HEPH: variants seen among roughly 807,000 people sequenced by gnomAD.
The protein encoded by HEPH is hephaestin.
A neutral mutation model predicts 80.8 loss-of-function variants in HEPH; 69 were observed. The ratio of observed to expected loss-of-function variants is 0.85; its 90% confidence interval spans 0.70 to 1.04. HEPH has a LOEUF of 1.04. Among genes scored for constraint, HEPH ranks in the 50% least tolerant of loss-of-function variants. HEPH has a pLI of 0.00. For missense variants in HEPH, 1,115 were observed against 891.3 expected (o/e 1.25, Z -3.20); for synonymous variants, 431 against 322.8 (o/e 1.34, Z -3.60).
At chrX:66,245,759 A>G (rs994358406) in intron 15 of HEPH, among the ~76,000 whole-genome samples, 1 of 112,146 alleles carries the variant, frequency 8.9e-6, no homozygotes, top group Non-Finnish European at 1.9e-5. Flanking sequence ...ATGTAAAAGA[A>G]CAGAAATTAT....
At chrX:66,216,038 C>T (rs1232636023) in intron 15 of HEPH, among the ~76,000 whole-genome samples, 2 of 110,192 alleles carry the variant, frequency 1.8e-5, no homozygotes, top group Admixed American at 9.6e-5. Context: ...ACACTTGCAT[C>T]CCCCAAAGCA....
At chrX:66,198,418 T>A (rs1162782514) in intron 10 of HEPH, among the ~76,000 whole-genome samples, 2 of 112,147 alleles carry the variant, frequency 1.8e-5, no homozygotes. Context: ...AAATAACCCA[T>A]ATAAAGTGCC....
At chrX:66,249,573 A>G (rs1264012999) in intron 15 of HEPH, among the ~76,000 whole-genome samples, 1 of 111,626 alleles carries the variant, frequency 9.0e-6, no homozygotes, top group Non-Finnish European at 1.9e-5. Context: ...GAAAATAGAA[A>G]TTTGAAGAAG....
chrX:66,260,386 A>C (rs1053260119), intron 19 of HEPH, 124 bp downstream of exon 19: 25 of 504,268 alleles, frequency 5.0e-5, no homozygotes, highest in Non-Finnish European at 6.8e-5. Flanking sequence ...GTCTTAAGGC[A>C]GAGCATAGCC....
chrX:66,267,945 A>T (rs2091578488), downstream of HEPH: 1 of 111,855 alleles, frequency 8.9e-6, no homozygotes, highest in African/African-American at 3.3e-5. Context: ...AGAGGTATCA[A>T]GGAGAGAAAA....
chrX:66,221,992 A>T (rs775478434), intron 15 of HEPH, among the ~76,000 whole-genome samples: 3 of 112,553 alleles, frequency 2.7e-5, no homozygotes, highest in Non-Finnish European at 5.6e-5. Flanking sequence ...GGTGAAAGGG[A>T]TAGCCAATTG....
intron 11 of HEPH, 41 bp downstream of exon 11, chrX:66,199,069 C>T (rs1370811959): frequency 8.8e-7 from 1 of 1,142,145 alleles, no homozygotes; most frequent in Admixed American, 2.2e-5. Flanking sequence ...TTGAGGGTCC[C>T]AAGTAAAATC....
At chrX:66,224,101 G>C (rs1406040303) in intron 15 of HEPH, among the ~76,000 whole-genome samples, 1 of 76,554 alleles carries the variant, frequency 1.3e-5, no homozygotes, top group South Asian at 6.0e-4. Flanking sequence ...TTTTTTTTTT[G>C]AAGATGATAA....
intron 15 of HEPH, among the ~76,000 whole-genome samples, chrX:66,233,644 T>G (rs765430945): frequency 9.0e-6 from 1 of 111,077 alleles, no homozygotes; most frequent in Non-Finnish European, 1.9e-5. Flanking sequence ...GAAGAAAATC[T>G]TCTTCAACAA....
intron 15 of HEPH, among the ~76,000 whole-genome samples, chrX:66,235,463 T>A (rs1353431947): frequency 6.8e-5 from 7 of 102,523 alleles, no homozygotes; most frequent in African/African-American, 2.7e-4. Context: ...GGATTGTTTG[T>A]TTCCCCACTG....
At chrX:66,223,629 C>G (rs1183394368) in intron 15 of HEPH, among the ~76,000 whole-genome samples, 2 of 111,692 alleles carry the variant, frequency 1.8e-5, no homozygotes, top group East Asian at 5.6e-4. Flanking sequence ...ATGTCCAGTT[C>G]ACAGAAAAAC....
rs746895556 is a variant in HEPH at position 66,224,321 on chromosome X, CT to C, written c.2563+16088del. 4.4e-3 allele frequency among the ~76,000 whole-genome samples: 455 copies of C among 104,183 alleles called. 1 individual carries two copies. Among genetic ancestry groups the C allele is most frequent in the African/African-American group, 0.012 (345 of 28,920 alleles). The allele number at this position is 104,183 out of a possible 115,157, so 90.5% of individuals were successfully genotyped here. A position where few individuals can be genotyped will look rare whatever the true frequency, so the allele number is the denominator to read the frequency against. ...ATTAACTTAGAATTGGTATAGATGA[CT>C]TTTTTTTTTTTTCCTTCAGTTACCT... On this transcript the variant is annotated intron_variant, in intron 15 of 20. Coordinates refer to ENST00000343002, the MANE Select transcript of HEPH (RefSeq NM_001367233.3).
chrX:66,175,987 A>G (rs781584632), intron 4 of HEPH, among the ~76,000 whole-genome samples: 3 of 111,405 alleles, frequency 2.7e-5, no homozygotes, highest in Non-Finnish European at 5.7e-5. Flanking sequence ...TCCTCTTTAC[A>G]TATTTAGAGG....
rs749847038 is a variant in HEPH, at chrX:66,191,234, C to T, written c.1064-896C>T. On this transcript the variant is annotated intron_variant, in intron 6 of 20. Transcript: ENST00000343002. ...TTTAACCTGTCTGACCTTTAGTTTT[C>T]TTCATCCGCAAAAGGGGACATTAAA... is the stretch of plus-strand genomic sequence containing the variant. Among the ~76,000 whole-genome samples, 8 of 111,824 alleles carry T rather than the reference C, an allele frequency of 7.2e-5. 1 individual carries two copies. Among genetic ancestry groups the T allele is most frequent in the African/African-American group, 2.3e-4 (7 of 30,781 alleles).
intron 15 of HEPH, among the ~76,000 whole-genome samples, chrX:66,229,455 G>C (rs1450127443): frequency 9.0e-6 from 1 of 111,418 alleles, no homozygotes; most frequent in African/African-American, 3.3e-5. Flanking sequence ...TCAGGGGAAA[G>C]GGTGGGAGGG....
chrX:66,259,657 C>T (rs1426107275), intron 18 of HEPH, among the ~76,000 whole-genome samples: 1 of 109,458 alleles, frequency 9.1e-6, no homozygotes, highest in African/African-American at 3.3e-5. Context: ...AGAAAGTCAC[C>T]TCTGTTGATT....
intron 4 of HEPH, among the ~76,000 whole-genome samples, chrX:66,185,929 C>T (rs1181220964): frequency 1.5e-4 from 1 of 6,861 alleles, no homozygotes; most frequent in Admixed American, 1.4e-3. Flanking sequence ...ACAGACAGGA[C>T]CCTCAGCTGC....
intron 12 of HEPH, 80 bp downstream of exon 12, chrX:66,200,832 G>A (rs2088400733): frequency 1.3e-6 from 1 of 787,321 alleles, no homozygotes; most frequent in Non-Finnish European, 1.9e-6. Flanking sequence ...GAGGGATGGT[G>A]AAGAGAAAAT....
chrX:66,252,663 G>T (rs966020038), intron 15 of HEPH, among the ~76,000 whole-genome samples: 16 of 111,859 alleles, frequency 1.4e-4, no homozygotes, highest in Non-Finnish European at 3.0e-4. Flanking sequence ...TGTTAAAAAA[G>T]AACAACAAAG....
Sources: allele counts gnomAD v4.1 joint callset (sites outside exome capture counted in the v4.1 genomes callset), GRCh38; gene constraint gnomAD v4.1.1; transcripts MANE v1.5; gene names NCBI Gene and HGNC (gene_info 2026-07-23, HGNC 2026-07-21).